DLG5: variants seen among roughly 807,000 people sequenced by gnomAD.
The protein encoded by DLG5 is discs large MAGUK scaffold protein 5.
A neutral mutation model predicts 189.8 loss-of-function variants in DLG5; 48 were observed. The observed-to-expected ratio is 0.25, with a 90% confidence interval of 0.20 to 0.32. The LOEUF is 0.32. Ranked by LOEUF, DLG5 falls within the 10% of genes least tolerant of loss-of-function variation. DLG5 has a pLI of 1.00. For synonymous variants in DLG5, 1,016 were observed against 1,054.1 expected (o/e 0.96, Z 0.70); for missense variants, 2,160 against 2,544.7 (o/e 0.85, Z 3.25).
intron 5 of DLG5, 109 bp downstream of exon 5, chr10:77,853,245 G>T: frequency 1.9e-6 from 2 of 1,071,648 alleles, no homozygotes; most frequent in Non-Finnish European, 2.5e-6. Flanking sequence ...TGGGATCACA[G>T]ATGTGAGCCA....
rs1842392016 is a variant in DLG5, at chr10:77,822,012, G to T, written c.2472C>A (p.Gly824=). 2.5e-6 allele frequency: 4 copies of T among 1,614,110 alleles called. No homozygotes were observed. Among genetic ancestry groups the T allele is most frequent in the Non-Finnish European group, 3.4e-6 (4 of 1,180,040 alleles). ...GTTTGTTATGAGCCTGGACCTCCGG[G>T]CCATGGGCTCGAAAACTCAGCATCT... ...SDKMLSFRAH[G]PEVQAHNKRN... is the part of the protein sequence containing the mutation. The change falls in exon 15 of 32, where the codon GGC becomes GGA. Residue 824 remains glycine (G), a synonymous_variant. Coordinates refer to ENST00000372391, the MANE Select transcript of DLG5 (RefSeq NM_004747.4).
chr10:77,830,477 C>G, intron 10 of DLG5, 133 bp from the exon 11 acceptor site: 3 of 1,378,146 alleles, frequency 2.2e-6, no homozygotes, highest in Non-Finnish European at 3.0e-6. Flanking sequence ...ACTCCATCCC[C>G]AGGATGGAAA....
chr10:77,822,216 TAA>T, intron 14 of DLG5, 115 bp from the exon 15 acceptor site: 2 of 1,168,512 alleles, frequency 1.7e-6, no homozygotes, highest in Non-Finnish European at 2.4e-6. Context: ...ACCTGCCCCT[TAA>T]AAAAGAGACA....
At chr10:77,811,348 C>A (rs2154575287) in intron 22 of DLG5, 114 bp from the exon 23 acceptor site, 2 of 1,355,500 alleles carry the variant, frequency 1.5e-6, no homozygotes, top group East Asian at 4.8e-5. Flanking sequence ...CATAGCCCTG[C>A]ACCCTGTGCC....
intron 1 of DLG5, among the ~76,000 whole-genome samples, chr10:77,903,153 C>T (rs940472374): frequency 6.6e-6 from 1 of 152,124 alleles, no homozygotes; most frequent in African/African-American, 2.4e-5. Flanking sequence ...AGCAGCCGGG[C>T]GCAGCGGCTC....
rs137872892 is a variant in DLG5 at position 77,805,726 on chromosome 10, C to T, written c.5103G>A (p.Lys1701=). The T allele has an allele frequency of 6.1e-5, 98 of 1,614,058 alleles. No individual in the cohort carries two copies. Among genetic ancestry groups the T allele is most frequent in the Non-Finnish European group, 8.1e-5 (96 of 1,180,048 alleles). Residue 1701 remains lysine (K), a synonymous_variant, in exon 27 of 32, where the codon AAG becomes AAA. Transcript: ENST00000372391. ...RKHKHKRSGS[K]DGKDLLALDA... ...CCAAGGCGAGCAGGTCTTTCCCGTCCTTGGACCCGCTGCGTTTGTGCTTGT... is the reference window on the plus strand; with the variant it reads ...CCAAGGCGAGCAGGTCTTTCCCGTCTTTGGACCCGCTGCGTTTGTGCTTGT...
Position 77,835,767 on chromosome 10 carries a change from G to T in DLG5, c.1593C>A (p.Asp531Glu). 6.2e-7 allele frequency: 1 copy of T among 1,613,232 alleles called. No individual in the cohort carries two copies. The change falls in exon 8 of 32, where the codon GAC becomes GAA. Residue 531 changes from aspartate (D) to glutamate (E), a missense_variant. Asp to Glu is a conservative substitution (Grantham distance 45). Coordinates refer to ENST00000372391, the MANE Select transcript of DLG5 (RefSeq NM_004747.4). ...CRRDWAFQER[D>E]KIVAERDSIR... is the part of the protein sequence containing the mutation. ...TGCTGTCACGCTCTGCTACAATCTT[G>T]TCTCGCTCCTGGAAGGCCCAGTCCC...
At chr10:77,929,432 G>C (rs890842201), upstream of DLG5, 1 of 152,172 alleles carries the variant, frequency 6.6e-6, no homozygotes, top group Non-Finnish European at 1.5e-5. Context: ...GTAGTGGGTC[G>C]AATTGTGTTC....
chr10:77,917,634 G>A (rs114748798), intron 1 of DLG5, among the ~76,000 whole-genome samples: 2,847 of 152,252 alleles, frequency 0.019, 94 homozygotes, highest in African/African-American at 0.064. Flanking sequence ...AGGTCTAGGG[G>A]GCCATGTAGT....
intron 27 of DLG5, among the ~76,000 whole-genome samples, chr10:77,800,095 G>A (rs538092656): frequency 6.6e-6 from 1 of 152,248 alleles, no homozygotes; most frequent in South Asian, 2.1e-4. Context: ...TCAGCAGGGT[G>A]GGGGGTACCA....
In DLG5 at chr10:77,796,542, C is replaced by T; in HGVS notation, c.5217G>A (p.Leu1739=). 6.2e-7 allele frequency: 1 copy of T among 1,614,166 alleles called. No individual in the cohort carries two copies. The highest frequency in any genetic ancestry group is 1.1e-5 in the South Asian group (1 of 91,080). Residue 1739 remains leucine, a synonymous_variant, in exon 28 of 32, where the codon CTG becomes CTA. Transcript: ENST00000372391. The surrounding 1 kb of genome is among the most constrained non-coding windows in gnomAD (Gnocchi z 5.2). ...AAGGCCCCAGAATCAGGACAGGCCT[C>T]AGAGCGGTGCAGTCCACCTTCTGGA... ...QRVQKVDCTA[L]RPVLILGPLL...
chr10:77,901,344 G>A lies in DLG5; in HGVS notation c.304+24873C>T, dbSNP rs914165726. The stretch of plus-strand genomic sequence containing the variant: ...GACTTACAGACCAAGAAACAGGGCC[G>A]TCAGAGCAGACTTGACCTTTACAGG... On this transcript the variant is annotated intron_variant, in intron 1 of 31. Coordinates refer to ENST00000372391, the MANE Select transcript of DLG5 (RefSeq NM_004747.4). Among the ~76,000 whole-genome samples, 5 of 152,276 alleles carry A rather than the reference G, an allele frequency of 3.3e-5. No homozygotes were observed. In the East Asian group the frequency reaches 5.8e-4, roughly 18 times the overall value.
chr10:77,836,488 G>A (rs551440644), intron 7 of DLG5, among the ~76,000 whole-genome samples: 20 of 152,096 alleles, frequency 1.3e-4, no homozygotes, highest in African/African-American at 4.1e-4. Flanking sequence ...TCCCCGCCCC[G>A]AGACTCTCCA....
chr10:77,910,158 C>A (rs1036679711), intron 1 of DLG5, among the ~76,000 whole-genome samples: 1 of 152,150 alleles, frequency 6.6e-6, no homozygotes, highest in Non-Finnish European at 1.5e-5. Flanking sequence ...AATGAATGGA[C>A]GAATGCTGTG....
intron 1 of DLG5, among the ~76,000 whole-genome samples, chr10:77,879,374 G>A (rs578034859): frequency 6.6e-6 from 1 of 152,254 alleles, no homozygotes; most frequent in East Asian, 2.0e-4. Flanking sequence ...AACCTTATGG[G>A]CCACACAGAG....
chr10:77,830,910 G>A (rs1168992233), intron 9 of DLG5, 37 bp from the exon 10 acceptor site: 1 of 1,609,174 alleles, frequency 6.2e-7, no homozygotes, highest in South Asian at 1.1e-5. Context: ...AGCCCCTTGG[G>A]AGGTGAAACA....
intron 1 of DLG5, among the ~76,000 whole-genome samples, chr10:77,899,775 G>C (rs1337765486): frequency 6.6e-6 from 1 of 152,080 alleles, no homozygotes; most frequent in Non-Finnish European, 1.5e-5. Context: ...TCAGAGCCTT[G>C]GCAAGCCATC....
chr10:77,901,577 C>T (rs147548117), intron 1 of DLG5, among the ~76,000 whole-genome samples: 3 of 152,358 alleles, frequency 2.0e-5, no homozygotes, highest in African/African-American at 4.8e-5. Context: ...CTGCGGTCCA[C>T]GCTGACGGGT....
At chr10:77,931,129 G>A (rs1173670969), upstream of DLG5, among the ~76,000 whole-genome samples, 1 of 151,822 alleles carries the variant, frequency 6.6e-6, no homozygotes, top group Non-Finnish European at 1.5e-5. Context: ...CTTAATTTTT[G>A]TATTTTTAGT....
Sources: gnomAD v4.1 joint callset for allele counts (sites outside exome capture counted in the v4.1 genomes callset) on GRCh38, gnomAD v4.1.1 for gene constraint, Gnocchi (gnomAD v3.1) non-coding constraint, MANE v1.5 for transcripts, NCBI Gene and HGNC (gene_info 2026-07-23, HGNC 2026-07-21) for gene names.